The following TNNI3K variants were observed in gnomAD, a reference collection of about 807,000 sequenced individuals.
TNNI3K encodes TNNI3 interacting kinase.
In TNNI3K, 140 loss-of-function variants were observed where a neutral mutation model predicts 114.5. The ratio of observed to expected loss-of-function variants is 1.22; its 90% CI spans 1.07 to 1.41. The LOEUF (loss-of-function observed/expected upper bound fraction) is 1.41. Ranked by LOEUF, TNNI3K falls within the 40% of genes most tolerant of loss-of-function variation. The pLI, the probability that TNNI3K is intolerant of heterozygous loss-of-function variation, is 0.00. For missense variants in TNNI3K, 1,125 were observed against 1,007.6 expected (o/e 1.12, Z -1.58); for synonymous variants, 347 against 347.5 (o/e 1.00, Z 0.02).
intron 21 of TNNI3K, among the ~76,000 whole-genome samples, chr1:74,478,674 G>T (rs1668326141): frequency 6.6e-6 from 1 of 152,208 alleles, no homozygotes; most frequent in South Asian, 2.1e-4. Flanking sequence ...AAGTGCTGCA[G>T]TGAGTATACC....
intron 5 of TNNI3K, among the ~76,000 whole-genome samples, chr1:74,283,833 C>T (rs945177046): frequency 2.0e-5 from 3 of 151,984 alleles, no homozygotes; most frequent in African/African-American, 4.8e-5. Flanking sequence ...TTGTATAATT[C>T]ATGTTATTAA....
At chr1:74,405,883 A>G (rs1229698690) in intron 17 of TNNI3K, among the ~76,000 whole-genome samples, 1 of 152,216 alleles carries the variant, frequency 6.6e-6, no homozygotes, top group African/African-American at 2.4e-5. Context: ...TTTGCTTACT[A>G]TAAGCATGTT....
intron 3 of TNNI3K, 64 bp from the exon 4 acceptor site, chr1:74,250,608 A>G (rs1399013483): frequency 1.1e-5 from 16 of 1,490,222 alleles, no homozygotes; most frequent in Non-Finnish European, 1.5e-5. Flanking sequence ...CATTAGGTCA[A>G]AAAGAGTCTC....
chr1:74,467,331 GCTT>G (rs1221012244), intron 21 of TNNI3K, among the ~76,000 whole-genome samples: 1 of 152,064 alleles, frequency 6.6e-6, no homozygotes, highest in Non-Finnish European at 1.5e-5. Flanking sequence ...TATCAACTGT[GCTT>G]CTCATTTTTT....
intron 9 of TNNI3K, among the ~76,000 whole-genome samples, chr1:74,347,717 A>T (rs1244367972): frequency 2.6e-5 from 4 of 152,062 alleles, no homozygotes; most frequent in Non-Finnish European, 2.9e-5. Flanking sequence ...ATGGTATCTC[A>T]TTGTGGTTTT....
At chr1:74,532,849 A>G (rs1370259369) in intron 23 of TNNI3K, among the ~76,000 whole-genome samples, 1 of 152,166 alleles carries the variant, frequency 6.6e-6, no homozygotes, top group Non-Finnish European at 1.5e-5. Context: ...TGCTGGGAAA[A>G]CTGGCTAGCC....
At chr1:74,475,385 A>G (rs977151548) in intron 21 of TNNI3K, 1 of 716,878 alleles carries the variant, frequency 1.4e-6, no homozygotes, top group African/African-American at 1.7e-5. Context: ...CTTGGATTAT[A>G]TGTTGTAAGT....
chr1:74,290,535 G>A (rs1657614230), intron 5 of TNNI3K, among the ~76,000 whole-genome samples: 1 of 151,670 alleles, frequency 6.6e-6, no homozygotes. Context: ...TAAATGCCCA[G>A]CATTAAATAT....
intron 17 of TNNI3K, among the ~76,000 whole-genome samples, chr1:74,412,396 A>G (rs1337871991): frequency 6.6e-6 from 1 of 152,154 alleles, no homozygotes; most frequent in African/African-American, 2.4e-5. Context: ...CGACACAAGC[A>G]GAGGCTTGAT....
At chr1:74,398,014 G>T (rs1010637639) in intron 17 of TNNI3K, among the ~76,000 whole-genome samples, 27 of 152,184 alleles carry the variant, frequency 1.8e-4, no homozygotes, top group African/African-American at 6.5e-4. Context: ...AATACATGGA[G>T]AACTGGTTAA....
At chr1:74,481,632 A>C (rs936186941) in intron 21 of TNNI3K, among the ~76,000 whole-genome samples, 1 of 152,220 alleles carries the variant, frequency 6.6e-6, no homozygotes, top group Non-Finnish European at 1.5e-5. Flanking sequence ...CCCTCCAATG[A>C]AGTCCATCAT....
chr1:74,389,782 G>A (rs1261666554), intron 17 of TNNI3K, among the ~76,000 whole-genome samples: 3 of 152,172 alleles, frequency 2.0e-5, no homozygotes, highest in Non-Finnish European at 4.4e-5. Context: ...AGGGCTAGAT[G>A]TAAATTTCAG....
chr1:74,516,981 A>G (rs1646358029), intron 23 of TNNI3K, among the ~76,000 whole-genome samples: 2 of 152,220 alleles, frequency 1.3e-5, no homozygotes, highest in African/African-American at 2.4e-5. Context: ...TCATGCTCCC[A>G]TGAGCATCAT....
intron 23 of TNNI3K, among the ~76,000 whole-genome samples, chr1:74,535,853 C>T (rs1340386302): frequency 1.3e-5 from 2 of 152,160 alleles, no homozygotes; most frequent in African/African-American, 2.4e-5. Flanking sequence ...CAGATCTCCC[C>T]TTCTTACTTA....
At chr1:74,383,972 C>T (rs1363995514) in intron 17 of TNNI3K, among the ~76,000 whole-genome samples, 4 of 151,746 alleles carry the variant, frequency 2.6e-5, no homozygotes, top group Admixed American at 1.3e-4. Flanking sequence ...TTAGGTAATC[C>T]AAAATATAGG....
intron 4 of TNNI3K, among the ~76,000 whole-genome samples, chr1:74,264,842 A>C (rs909503845): frequency 1.3e-5 from 2 of 152,108 alleles, no homozygotes; most frequent in East Asian, 1.9e-4. Context: ...TGATACATTT[A>C]ATATGAATAT....
At chr1:74,258,625 A>G (rs149970237) in intron 4 of TNNI3K, among the ~76,000 whole-genome samples, 4 of 152,162 alleles carry the variant, frequency 2.6e-5, no homozygotes, top group African/African-American at 9.7e-5. Flanking sequence ...ATGAAACAAA[A>G]ATCTATGATA....
intron 5 of TNNI3K, among the ~76,000 whole-genome samples, chr1:74,331,121 G>A (rs1660176600): frequency 6.6e-6 from 1 of 152,158 alleles, no homozygotes; most frequent in Admixed American, 6.5e-5. Flanking sequence ...ATTTCTGGCT[G>A]AAGAAATAAT....
At chr1:74,391,435 G>A (rs889499250) in intron 17 of TNNI3K, among the ~76,000 whole-genome samples, 1 of 152,104 alleles carries the variant, frequency 6.6e-6, no homozygotes, top group Admixed American at 6.5e-5. Context: ...TAGGTAGAGT[G>A]TACTAGATAC....
Sources: gnomAD v4.1 joint callset for allele counts (sites outside exome capture counted in the v4.1 genomes callset) on GRCh38, gnomAD v4.1.1 for gene constraint, MANE v1.5 for transcripts, NCBI Gene and HGNC (gene_info 2026-07-23, HGNC 2026-07-21) for gene names.